The following YPEL1 variants were observed in gnomAD, a reference collection of about 807,000 sequenced individuals.
YPEL1 encodes yippee like 1, also known as protein yippee-like 1.
In YPEL1, 7 loss-of-function variants were observed where a neutral mutation model predicts 17.3. The observed-to-expected ratio is 0.40, with a 90% CI of 0.23 to 0.76. The LOEUF is 0.76. Among genes scored for constraint, YPEL1 ranks in the 30% least tolerant of loss-of-function variants. The pLI is 0.35. For missense variants in YPEL1, 91 were observed against 155.5 expected (o/e 0.59, Z 2.21); for synonymous variants, 59 against 59.6 (o/e 0.99, Z 0.05).
rs923768167 is a variant in YPEL1, at chr22:21,733,902, A to G, written c.-165+1713T>C. On this transcript the variant is annotated intron_variant, in intron 1 of 4. Transcript: ENST00000339468. ...AATCAAGAACAGATGTTAGAGGAACACTGCTCTCAACCTAAAGAAAATAGC... is the reference window on the plus strand; with the variant it reads ...AATCAAGAACAGATGTTAGAGGAACGCTGCTCTCAACCTAAAGAAAATAGC... 8.5e-5 allele frequency among the ~76,000 whole-genome samples: 13 copies of G among 152,334 alleles called. No homozygotes were observed. The East Asian group carries it at 2.5e-3, about 29-fold the overall frequency.
chr22:21,727,569 C>A (rs577870971), intron 1 of YPEL1, among the ~76,000 whole-genome samples: 117 of 152,290 alleles, frequency 7.7e-4, no homozygotes, highest in South Asian at 2.1e-3. Context: ...CCAGAAATTT[C>A]TCTCCTAAAA....
At chr22:21,706,308 A>C (rs2068115245) in intron 2 of YPEL1, among the ~76,000 whole-genome samples, 1 of 150,982 alleles carries the variant, frequency 6.6e-6, no homozygotes, top group African/African-American at 2.4e-5. Flanking sequence ...GCGTGCCTAT[A>C]ATCCCAGCTA....
Position 21,710,701 on chromosome 22 carries a change from G to A in YPEL1, c.44C>T (p.Pro15Leu), listed in dbSNP as rs915301502. 1.5e-5 allele frequency: 24 copies of A among 1,614,186 alleles called. No individual in the cohort carries two copies. The highest frequency in any genetic ancestry group is 3.3e-5 in the South Asian group (3 of 91,082). ...TKSKTFQAYL[P>L]NCHRTYSCIH... is the part of the protein sequence containing the mutation. Reference sequence around the variant, plus strand: ...ACAGCTGTACGTTCGGTGACAGTTCGGCAGATACGCTTGGAAAGTTTTGGA... The same window carrying A: ...ACAGCTGTACGTTCGGTGACAGTTCAGCAGATACGCTTGGAAAGTTTTGGA... Residue 15 changes from proline to leucine, a missense_variant, in exon 2 of 5, where the codon CCG becomes CTG. Transcript: ENST00000339468.
Position 21,712,383 on chromosome 22 carries a change from A to AAC in YPEL1, c.-164-1476_-164-1475insGT, listed in dbSNP as rs1601630524. The stretch of plus-strand genomic sequence containing the variant: ...TGGAATATGTAAAAAAAAAAAAAAA[A>AAC]AACAACTACAACTCAGCAAATCAAA... On this transcript the variant is annotated intron_variant, in intron 1 of 4. Transcript: ENST00000339468. Among the ~76,000 whole-genome samples the AAC allele has an allele frequency of 2.0e-5, 3 of 151,102 alleles. No individual in the cohort carries two copies. In the South Asian group the frequency reaches 6.2e-4, roughly 31 times the overall value.
intron 1 of YPEL1, among the ~76,000 whole-genome samples, chr22:21,724,937 C>T (rs12172286): frequency 0.04 from 5,892 of 147,730 alleles, 230 homozygotes; most frequent in East Asian, 0.16. Context: ...AATGGACTTT[C>T]GCTCTTTCCG....
chr22:21,722,790 A>T (rs567545263), intron 1 of YPEL1: 6 of 152,252 alleles, frequency 3.9e-5, no homozygotes, highest in Admixed American at 1.3e-4. Context: ...TTGTCCTTCC[A>T]CAAAGGACAC....
chr22:21,699,846 A>T lies in YPEL1; in HGVS notation c.*1283T>A, dbSNP rs1220880661. The T allele has an allele frequency of 6.6e-6, 1 of 152,568 alleles. No individual in the cohort carries two copies. The highest frequency in any genetic ancestry group is 1.5e-5 in the Non-Finnish European group (1 of 68,040). 9.5% of individuals were successfully genotyped at this position (152,568 alleles called of 1,614,324 possible). A position where few individuals can be genotyped will look rare whatever the true frequency, so the allele number is the denominator to read the frequency against. On this transcript the variant is annotated 3_prime_UTR_variant, in exon 5 of 5. Coordinates refer to ENST00000339468, the MANE Select transcript of YPEL1 (RefSeq NM_013313.5). ...GCCACTCAGCAACTGCCTGACACCT[A>T]AGCTGCTGTCACTGCTGAGGGCACA...
At chr22:21,717,298 C>T (rs2068236052) in intron 1 of YPEL1, among the ~76,000 whole-genome samples, 2 of 151,596 alleles carry the variant, frequency 1.3e-5, no homozygotes, top group African/African-American at 4.9e-5. Context: ...GTTGCTTGAA[C>T]CCGGGAGGCG....
intron 2 of YPEL1, chr22:21,704,247 C>CCG: frequency 1.4e-6 from 1 of 708,940 alleles, no homozygotes; most frequent in South Asian, 1.5e-5. Flanking sequence ...CGAAAACCCA[C>CCG]AGATCCTCAA....
At chr22:21,704,889 G>T (rs1321143696) in intron 2 of YPEL1, among the ~76,000 whole-genome samples, 1 of 152,136 alleles carries the variant, frequency 6.6e-6, no homozygotes, top group South Asian at 2.1e-4. Context: ...AGGTGGGAAC[G>T]CCTGCTCCAG....
intron 2 of YPEL1, among the ~76,000 whole-genome samples, chr22:21,709,775 G>A (rs2068147597): frequency 6.6e-6 from 1 of 151,742 alleles, no homozygotes; most frequent in Non-Finnish European, 1.5e-5. Flanking sequence ...CTGTGAGGAT[G>A]GGGGGAGGTC....
chr22:21,705,151 T>G (rs1035558411), intron 2 of YPEL1, among the ~76,000 whole-genome samples: 2 of 152,044 alleles, frequency 1.3e-5, no homozygotes, highest in African/African-American at 2.4e-5. Flanking sequence ...TTTTTAGAGA[T>G]AGGATATTTT....
intron 2 of YPEL1, 175 bp from the exon 3 acceptor site, chr22:21,704,057 G>A (rs776172363): frequency 1.1e-5 from 8 of 750,990 alleles, no homozygotes; most frequent in African/African-American, 1.0e-4. Context: ...GCCACTTAAC[G>A]GAGCTGCAAG....
intron 1 of YPEL1, among the ~76,000 whole-genome samples, chr22:21,733,501 G>A (rs956434898): frequency 6.6e-5 from 10 of 152,138 alleles, no homozygotes; most frequent in Admixed American, 6.6e-4. Context: ...TGGGAGGCAA[G>A]GGGGGAGGAT....
At chr22:21,735,374 G>C (rs1375920760) in intron 1 of YPEL1, among the ~76,000 whole-genome samples, 1 of 152,132 alleles carries the variant, frequency 6.6e-6, no homozygotes, top group Non-Finnish European at 1.5e-5. Context: ...GGGAGGTGGA[G>C]AGAAGAAACG....
At chr22:21,718,063 C>T (rs1032915200) in intron 1 of YPEL1, among the ~76,000 whole-genome samples, 14 of 147,924 alleles carry the variant, frequency 9.5e-5, no homozygotes, top group African/African-American at 3.2e-4. Context: ...CCCAAGGGGT[C>T]GAGGCTGCAA....
At chr22:21,718,760 G>C (rs2068252302) in intron 1 of YPEL1, among the ~76,000 whole-genome samples, 1 of 149,220 alleles carries the variant, frequency 6.7e-6, no homozygotes, top group African/African-American at 2.5e-5. Flanking sequence ...GGAAATTTCT[G>C]TACAAAGGTA....
At chr22:21,725,730 C>T (rs768044371) in intron 1 of YPEL1, among the ~76,000 whole-genome samples, 4 of 151,730 alleles carry the variant, frequency 2.6e-5, no homozygotes, top group Admixed American at 6.6e-5. Context: ...CAGCAGCTCA[C>T]GCCTGTCATC....
At position 21,724,405 on chromosome 22, in the gene YPEL1, C is replaced by T. The variant is rs190824993; in HGVS notation, c.-165+11210G>A. ...TACTAAAATTAGCCATGCGTGGTGGCGGGCACCTGCAATCCCAGCTACTCA... is the reference window on the plus strand; with the variant it reads ...TACTAAAATTAGCCATGCGTGGTGGTGGGCACCTGCAATCCCAGCTACTCA... On this transcript the variant is annotated intron_variant, in intron 1 of 4. Coordinates refer to ENST00000339468, the MANE Select transcript of YPEL1 (RefSeq NM_013313.5). Among the ~76,000 whole-genome samples the T allele has an allele frequency of 1.8e-4, 27 of 151,970 alleles. No individual in the cohort carries two copies. In the East Asian group the frequency reaches 4.1e-3, roughly 23 times the overall value.
Sources: gnomAD v4.1 joint callset for allele counts (sites outside exome capture counted in the v4.1 genomes callset) on GRCh38, gnomAD v4.1.1 for gene constraint, MANE v1.5 for transcripts, NCBI Gene and HGNC (gene_info 2026-07-23, HGNC 2026-07-21) for gene names.